The following ANPEP variants were observed in gnomAD, a reference collection of about 807,000 sequenced individuals.
ANPEP encodes aminopeptidase N.
Under a neutral mutation model 114.6 loss-of-function variants are expected in ANPEP, and 70 were observed. The observed-to-expected ratio is 0.61, with a 90% confidence interval of 0.50 to 0.75. The LOEUF (loss-of-function observed/expected upper bound fraction) is 0.75, where lower values mean the gene tolerates loss of function less well. ANPEP is among the 30% of genes least tolerant of loss of function. The pLI is 0.00. For synonymous variants in ANPEP, 548 were observed against 522.3 expected (o/e 1.05, Z -0.67); for missense variants, 1,184 against 1,259.5 (o/e 0.94, Z 0.91).
chr15:89,806,179 G>C lies in ANPEP; in HGVS notation c.405C>G (p.His135Gln). 1 of 1,614,128 alleles carries C rather than the reference G, an allele frequency of 6.2e-7. No homozygotes were observed. Among genetic ancestry groups the C allele is most frequent in the Non-Finnish European group, 8.5e-7 (1 of 1,180,022 alleles). ...CTCCCACACCACGCAGGACCACCCTGTGCCCCTGGCTGAGGGTGTAGTTGA... is the reference window on the plus strand; with the variant it reads ...CTCCCACACCACGCAGGACCACCCTCTGCCCCTGGCTGAGGGTGTAGTTGA... ...KKLNYTLSQG[H>Q]RVVLRGVGGS... The change falls in exon 2 of 21, where the codon CAC (histidine) becomes CAG (glutamine). Residue 135 changes from histidine to glutamine, a missense_variant. His to Gln is a conservative substitution (Grantham distance 24). Coordinates refer to ENST00000300060, the MANE Select transcript of ANPEP (RefSeq NM_001150.3). This position sits in a 1 kb window ranked among gnomAD's most constrained non-coding sequence, Gnocchi z 5.7.
rs1968479967 is a variant in ANPEP at position 89,785,015 on chromosome 15, C to T, written c.*334G>A. The T allele has an allele frequency of 3.4e-6, 1 of 290,042 alleles. No homozygotes were observed. Among genetic ancestry groups the T allele is most frequent in the African/African-American group, 2.1e-5 (1 of 46,998 alleles). 18.0% of individuals were successfully genotyped at this position (290,042 alleles called of 1,614,324 possible). ...GTGAAAGAGGGTACAGGGCGGCCCC[C>T]AGCAAGGCCGTTCATTGTCCATCGA... On this transcript the variant is annotated 3_prime_UTR_variant, in exon 21 of 21. Transcript: ENST00000300060.
In ANPEP at chr15:89,804,420, T is replaced by C; in HGVS notation, c.1025-13A>G. The stretch of plus-strand genomic sequence containing the variant: ...AGGCCAATCTGGTCTGGGGAGGCGA[T>C]GCCATTGGCAGGATGAACTCCGGGA... On this transcript the variant is annotated splice_polypyrimidine_tract_variant and intron_variant, in intron 5 of 20. Coordinates refer to ENST00000300060, the MANE Select transcript of ANPEP (RefSeq NM_001150.3). 6.2e-7 allele frequency: 1 copy of C among 1,614,146 alleles called. No individual in the cohort carries two copies. The highest frequency in any genetic ancestry group is 8.5e-7 in the Non-Finnish European group (1 of 1,179,962).
intron 20 of ANPEP, among the ~76,000 whole-genome samples, chr15:89,788,442 G>A (rs1968545231): frequency 6.6e-6 from 1 of 152,164 alleles, no homozygotes; most frequent in South Asian, 2.1e-4. Context: ...GAGACAGAAA[G>A]TATATTAGTG....
chr15:89,785,029 A>C lies in ANPEP; in HGVS notation c.*320T>G, dbSNP rs1051773284. ...AGGGCGGCCCCCAGCAAGGCCGTTC[A>C]TTGTCCATCGAGAGCTTCTGCTCAT... On this transcript the variant is annotated 3_prime_UTR_variant, in exon 21 of 21. Coordinates refer to ENST00000300060, the MANE Select transcript of ANPEP (RefSeq NM_001150.3). 11 of 316,234 alleles carry C rather than the reference A, an allele frequency of 3.5e-5. No homozygotes were observed. Among genetic ancestry groups the C allele is most frequent in the Admixed American group, 1.7e-4 (4 of 23,418 alleles). 19.6% of individuals were successfully genotyped at this position (316,234 alleles called of 1,614,324 possible).
At position 89,799,684 on chromosome 15, in the gene ANPEP, C is replaced by T. The variant is rs1046054416; in HGVS notation, c.1820-125G>A. Reference sequence around the variant, plus strand: ...TCACCCTCAAGCTGCTGGGGAGACGCTAAGGGTGGGGAAGGAAGGGATGAG... The same window carrying T: ...TCACCCTCAAGCTGCTGGGGAGACGTTAAGGGTGGGGAAGGAAGGGATGAG... On this transcript the variant is annotated intron_variant, in intron 12 of 20. Transcript: ENST00000300060. This position sits in a 1 kb window ranked among gnomAD's most constrained non-coding sequence, Gnocchi z 4.2. The T allele has an allele frequency of 5.0e-6, 7 of 1,405,998 alleles. No individual in the cohort carries two copies. In the African/African-American group the frequency reaches 8.5e-5, roughly 17 times the overall value. The allele number at this position is 1,405,998 out of a possible 1,614,324, so 87.1% of individuals were successfully genotyped here.
At chr15:89,801,340 G>A in intron 11 of ANPEP, 95 bp downstream of exon 11, 2 of 1,555,334 alleles carry the variant, frequency 1.3e-6, no homozygotes, top group South Asian at 1.2e-5. Flanking sequence ...AGTGGCTGGG[G>A]CTGGGACCAC....
chr15:89,804,103 GGGA>G, intron 6 of ANPEP, 101 bp from the exon 7 acceptor site: 1 of 1,545,024 alleles, frequency 6.5e-7, no homozygotes, highest in Non-Finnish European at 8.9e-7. Context: ...AGGCACAGTG[GGGA>G]TTTCAACACC....
chr15:89,796,364 T>A (rs75356469), intron 15 of ANPEP, among the ~76,000 whole-genome samples: 3,868 of 152,348 alleles, frequency 0.025, 151 homozygotes, highest in African/African-American at 0.081. Flanking sequence ...CTGATTTGAC[T>A]AAATATTATG....
intron 20 of ANPEP, among the ~76,000 whole-genome samples, chr15:89,788,952 T>C (rs927453110): frequency 1.3e-5 from 2 of 151,526 alleles, no homozygotes; most frequent in Non-Finnish European, 2.9e-5. Context: ...CCACTTAAAA[T>C]GGTGAGTTTG....
Position 89,785,034 on chromosome 15 carries a change from C to T in ANPEP, c.*315G>A, listed in dbSNP as rs1968480343. 1 of 325,864 alleles carries T rather than the reference C, an allele frequency of 3.1e-6. No individual in the cohort carries two copies. Among genetic ancestry groups the T allele is most frequent in the Admixed American group, 4.2e-5 (1 of 23,818 alleles). The allele number at this position is 325,864 out of a possible 1,614,324, so 20.2% of individuals were successfully genotyped here. A position where few individuals can be genotyped will look rare whatever the true frequency, so the allele number is the denominator to read the frequency against. ...GGCCCCCAGCAAGGCCGTTCATTGTCCATCGAGAGCTTCTGCTCATCTGGC... is the reference window on the plus strand; with the variant it reads ...GGCCCCCAGCAAGGCCGTTCATTGTTCATCGAGAGCTTCTGCTCATCTGGC... On this transcript the variant is annotated 3_prime_UTR_variant, in exon 21 of 21. Transcript: ENST00000300060.
In ANPEP at chr15:89,792,534, C is replaced by A; in HGVS notation, c.2278G>T (p.Ala760Ser). The A allele has an allele frequency of 1.2e-6, 2 of 1,614,140 alleles. No homozygotes were observed. Among genetic ancestry groups the A allele is most frequent in the East Asian group, 2.2e-5 (1 of 44,876 alleles). Residue 760 changes from alanine to serine, a missense_variant, in exon 17 of 21, where the codon GCC (alanine) becomes TCC (serine). Coordinates refer to ENST00000300060, the MANE Select transcript of ANPEP (RefSeq NM_001150.3). ...CACTCTGGAACTCCGTTGGAGCAGGCGGTGCTGATGGCATTAACCTCGCTG... is the reference window on the plus strand; with the variant it reads ...CACTCTGGAACTCCGTTGGAGCAGGAGGTGCTGATGGCATTAACCTCGCTG... ...QYSEVNAISTACSNGVPECEE... is the reference protein window; with the variant it reads ...QYSEVNAISTSCSNGVPECEE...
chr15:89,795,238 T>A (rs1399416536), intron 15 of ANPEP, among the ~76,000 whole-genome samples: 1 of 151,976 alleles, frequency 6.6e-6, no homozygotes, highest in African/African-American at 2.4e-5. Context: ...AATTTCTAGG[T>A]GAGGTGGTGT....
chr15:89,787,583 G>A (rs1317993690), intron 20 of ANPEP, among the ~76,000 whole-genome samples: 4 of 152,178 alleles, frequency 2.6e-5, no homozygotes, highest in African/African-American at 7.2e-5. Flanking sequence ...CATAGAATGG[G>A]AGAAATACTT....
chr15:89,799,509 G>T lies in ANPEP; in HGVS notation c.1870C>A (p.Leu624Ile). The T allele has an allele frequency of 6.2e-7, 1 of 1,614,170 alleles. No homozygotes were observed. Among genetic ancestry groups the T allele is most frequent in the Non-Finnish European group, 8.5e-7 (1 of 1,180,034 alleles). ...ACCCGGTAATAGCCCGTCACATTGA[G>T]GTTCAGCAGGACCCACTCATTGCCT... ...TSGNEWVLLN[L>I]NVTGYYRVNY... Residue 624 changes from leucine to isoleucine, a missense_variant, in exon 13 of 21, where the codon CTC (leucine) becomes ATC (isoleucine). Physicochemically the swap from Leu to Ile is conservative, Grantham distance 5. Transcript: ENST00000300060. This position sits in a 1 kb window ranked among gnomAD's most constrained non-coding sequence, Gnocchi z 4.2.
At chr15:89,802,128 C>CGTTATT (rs1894606506) in intron 10 of ANPEP, among the ~76,000 whole-genome samples, 1 of 152,148 alleles carries the variant, frequency 6.6e-6, no homozygotes, top group Non-Finnish European at 1.5e-5. Flanking sequence ...AACAGAAAGC[C>CGTTATT]AACCCCATTT....
At chr15:89,814,403 G>A in intron 1 of ANPEP, among the ~76,000 whole-genome samples, 1 of 151,910 alleles carries the variant, frequency 6.6e-6, no homozygotes, top group East Asian at 1.9e-4. Context: ...GGACAGAGTG[G>A]CCGCGGCCGA....
In ANPEP at chr15:89,799,367, C is replaced by A; in HGVS notation, c.1954-52G>T. The A allele has an allele frequency of 6.2e-7, 1 of 1,614,122 alleles. No individual in the cohort carries two copies. Among genetic ancestry groups the A allele is most frequent in the East Asian group, 2.2e-5 (1 of 44,884 alleles). ...CATGGGTTGGCTGTGGGTGGCAGGCCTTGCAGTCTGGTGCCTGTCCTGGGG... is the reference window on the plus strand; with the variant it reads ...CATGGGTTGGCTGTGGGTGGCAGGCATTGCAGTCTGGTGCCTGTCCTGGGG... On this transcript the variant is annotated intron_variant, in intron 13 of 20. Coordinates refer to ENST00000300060, the MANE Select transcript of ANPEP (RefSeq NM_001150.3). The surrounding 1 kb of genome is among the most constrained non-coding windows in gnomAD (Gnocchi z 4.2).
chr15:89,788,764 C>CTTATTTATTTAT (rs60279331), intron 20 of ANPEP, among the ~76,000 whole-genome samples: 32 of 144,110 alleles, frequency 2.2e-4, no homozygotes, highest in South Asian at 6.7e-4. Flanking sequence ...CCATGCCCAG[C>CTTATTTATTTAT]TTATTTATTT....
intron 17 of ANPEP, 39 bp from the exon 18 acceptor site, chr15:89,792,366 G>A (rs369471718): frequency 3.8e-5 from 61 of 1,612,962 alleles, no homozygotes; most frequent in Non-Finnish European, 4.8e-5. Context: ...GAACAGCAGC[G>A]GGGAGGGTGG....
Sources: allele counts gnomAD v4.1 joint callset (sites outside exome capture counted in the v4.1 genomes callset), GRCh38; gene constraint gnomAD v4.1.1; non-coding constraint Gnocchi (gnomAD v3.1); transcripts MANE v1.5; gene names NCBI Gene and HGNC (gene_info 2026-07-23, HGNC 2026-07-21).